The following ACYP2 variants were observed in gnomAD, a reference collection of about 807,000 sequenced individuals.
ACYP2 encodes the protein acylphosphatase 2.
Under a neutral mutation model 11.2 loss-of-function variants are expected in ACYP2, and 12 were observed. That is an observed-to-expected ratio of 1.08 (90% CI 0.69 to 1.74). The LOEUF is 1.74. ACYP2 is among the 40% of genes most tolerant of loss of function. ACYP2 has a pLI of 0.00. For synonymous variants in ACYP2, 43 were observed against 32.2 expected, an observed-to-expected ratio of 1.33 and a Z score of -1.13; for missense variants, 134 against 101.9, an observed-to-expected ratio of 1.31 and a Z score of -1.35.
chr2:54,165,519 T>TTTCA (rs1682917677), intron 6 of ACYP2, among the ~76,000 whole-genome samples: 19 of 64,634 alleles, frequency 2.9e-4, no homozygotes, highest in African/African-American at 8.7e-4. Context: ...TCTTTCACTC[T>TTTCA]CTCTCTCTCT....
At chr2:54,077,177 A>G (rs1232182070) in intron 4 of ACYP2, among the ~76,000 whole-genome samples, 1 of 152,212 alleles carries the variant, frequency 6.6e-6, no homozygotes, top group Non-Finnish European at 1.5e-5. Context: ...ACAAGGTTGA[A>G]GCAGAATTAG....
chr2:54,224,887 A>G (rs553233014), intron 6 of ACYP2, among the ~76,000 whole-genome samples: 3 of 152,354 alleles, frequency 2.0e-5, no homozygotes, highest in Admixed American at 1.3e-4. Flanking sequence ...TACAGTACCT[A>G]CAGACATTAG....
intron 6 of ACYP2, among the ~76,000 whole-genome samples, chr2:54,303,829 A>G (rs13407896): frequency 0.14 from 21,248 of 152,276 alleles, 2,317 homozygotes; most frequent in African/African-American, 0.3. Flanking sequence ...GATAACAGCC[A>G]TCATTTGTAT....
At chr2:54,302,397 C>G (rs769821049) in intron 6 of ACYP2, among the ~76,000 whole-genome samples, 3 of 152,160 alleles carry the variant, frequency 2.0e-5, no homozygotes, top group Non-Finnish European at 4.4e-5. Flanking sequence ...ATTGGGCTCC[C>G]TGGGCACCAG....
intron 4 of ACYP2, among the ~76,000 whole-genome samples, chr2:54,132,859 C>T (rs981177421): frequency 1.3e-5 from 2 of 151,818 alleles, no homozygotes; most frequent in Non-Finnish European, 1.5e-5. Flanking sequence ...ATTCTCCTGC[C>T]TCAGCCTCCC....
intron 6 of ACYP2, among the ~76,000 whole-genome samples, chr2:54,301,654 T>C (rs926213255): frequency 4.6e-5 from 7 of 152,306 alleles, no homozygotes; most frequent in Non-Finnish European, 8.8e-5. Flanking sequence ...TATGTATACA[T>C]ACACACGTGT....
chr2:54,160,533 T>C (rs1406387970), intron 6 of ACYP2, among the ~76,000 whole-genome samples: 1 of 152,222 alleles, frequency 6.6e-6, no homozygotes, highest in Non-Finnish European at 1.5e-5. Context: ...CTTCTTTGAA[T>C]TCCCAGTGCC....
intron 6 of ACYP2, among the ~76,000 whole-genome samples, chr2:54,260,225 A>G (rs1399118908): frequency 2.0e-5 from 3 of 152,094 alleles, no homozygotes; most frequent in Non-Finnish European, 4.4e-5. Flanking sequence ...TCGTCTTCTG[A>G]TTGCTTCATT....
chr2:54,028,812 G>A (rs1434654869), intron 2 of ACYP2, among the ~76,000 whole-genome samples: 1 of 152,070 alleles, frequency 6.6e-6, no homozygotes, highest in Non-Finnish European at 1.5e-5. Context: ...GCATAGTTGG[G>A]AAACGCTCTG....
At chr2:53,993,811 G>A (rs774722523) in intron 2 of ACYP2, among the ~76,000 whole-genome samples, 6 of 152,162 alleles carry the variant, frequency 3.9e-5, no homozygotes, top group Non-Finnish European at 4.4e-5. Flanking sequence ...TGGAAAAGAC[G>A]TGGAAGTTCA....
intron 2 of ACYP2, among the ~76,000 whole-genome samples, chr2:54,027,837 C>CTTTCTTTTTTTT (rs772573473): frequency 3.1e-5 from 3 of 97,892 alleles, no homozygotes; most frequent in African/African-American, 4.2e-5. Context: ...TTCTTTCTTT[C>CTTTCTTTTTTTT]TTTTTTTTTT....
Position 54,019,582 on chromosome 2 carries a change from T to G in ACYP2, c.63-31376T>G, listed in dbSNP as rs112141133. Among the ~76,000 whole-genome samples the G allele has an allele frequency of 5.6e-3, 858 of 151,992 alleles. 14 individuals are homozygous for G. Among genetic ancestry groups the G allele is most frequent in the African/African-American group, 0.019 (806 of 41,492 alleles). ...TCCCCAAGTGCTGAGATTACAGGCA[T>G]GAGCCACCATTCCTGGCCCCTGTGC... On this transcript the variant is annotated intron_variant, in intron 2 of 6. Coordinates refer to ENST00000607452, the MANE Select transcript of ACYP2 (RefSeq NM_001320586.2).
intron 6 of ACYP2, among the ~76,000 whole-genome samples, chr2:54,221,584 A>C (rs1392272639): frequency 2.1e-5 from 3 of 145,862 alleles, no homozygotes; most frequent in African/African-American, 7.7e-5. Flanking sequence ...GCAGGGGCAC[A>C]ATCTTGGCTC....
At chr2:54,004,090 T>C (rs1023510814) in intron 2 of ACYP2, among the ~76,000 whole-genome samples, 1 of 152,160 alleles carries the variant, frequency 6.6e-6, no homozygotes, top group Non-Finnish European at 1.5e-5. Context: ...TTGAAACGAT[T>C]CTCCTGACTC....
At chr2:54,111,262 A>T (rs1679444935) in intron 4 of ACYP2, among the ~76,000 whole-genome samples, 1 of 152,158 alleles carries the variant, frequency 6.6e-6, no homozygotes. Flanking sequence ...CAAAATAAGT[A>T]GTCAGCTTTG....
chr2:53,979,677 G>C (rs572677628), intron 2 of ACYP2, among the ~76,000 whole-genome samples: 3 of 151,918 alleles, frequency 2.0e-5, no homozygotes, highest in Non-Finnish European at 4.4e-5. Context: ...TTTCTGTACA[G>C]CAGTACAATG....
At chr2:53,979,229 C>G (rs779253478) in intron 2 of ACYP2, among the ~76,000 whole-genome samples, 1 of 151,882 alleles carries the variant, frequency 6.6e-6, no homozygotes, top group Non-Finnish European at 1.5e-5. Context: ...TGATCCTGAC[C>G]CTGTGTAGGC....
intron 4 of ACYP2, among the ~76,000 whole-genome samples, chr2:54,099,863 C>A (rs1403171086): frequency 6.6e-6 from 1 of 152,114 alleles, no homozygotes; most frequent in African/African-American, 2.4e-5. Context: ...CTTGAGAAAC[C>A]TACATACAGT....
intron 6 of ACYP2, among the ~76,000 whole-genome samples, chr2:54,202,907 C>G (rs1684916251): frequency 6.6e-6 from 1 of 151,520 alleles, no homozygotes; most frequent in South Asian, 2.1e-4. Context: ...AAGAGTGAGT[C>G]CTCCAACTTT....
Sources: gnomAD v4.1 joint callset for allele counts (sites outside exome capture counted in the v4.1 genomes callset) on GRCh38, gnomAD v4.1.1 for gene constraint, MANE v1.5 for transcripts, NCBI Gene and HGNC (gene_info 2026-07-23, HGNC 2026-07-21) for gene names.